Variants in HPSE2 observed in about 807,000 individuals in gnomAD.
HPSE2 encodes inactive heparanase-2.
A neutral mutation model predicts 60.5 loss-of-function variants in HPSE2; 38 were observed. The ratio of observed to expected loss-of-function variants is 0.63; its 90% confidence interval spans 0.48 to 0.82. HPSE2 has a LOEUF of 0.82. Ranked by LOEUF, HPSE2 falls within the 40% of genes least tolerant of loss-of-function variation. The probability of loss-of-function intolerance (pLI) is 0.00; values close to 1 mark genes in which losing one functional copy is unlikely to be tolerated. For missense variants in HPSE2, 713 were observed against 740.4 expected, an observed-to-expected ratio of 0.96 and a Z score of 0.43; for synonymous variants, 295 against 293.2, an observed-to-expected ratio of 1.01 and a Z score of -0.06.
intron 2 of HPSE2, among the ~76,000 whole-genome samples, chr10:99,192,738 A>T (rs115093287): frequency 2.0e-5 from 3 of 152,156 alleles, no homozygotes; most frequent in African/African-American, 7.2e-5. Context: ...GCAGCATTAC[A>T]TATTTAAAGT....
At chr10:99,311,517 A>G in the HPSE2 span, among the ~76,000 whole-genome samples, 130,527 of 152,174 alleles carry the variant, frequency 0.86, 56,368 homozygotes, top group African/African-American at 0.93. Flanking sequence ...GTAGTTGTTT[A>G]GGGGTGCCAT....
rs373405091 is a variant in HPSE2, at chr10:98,525,593, C to T, written c.1321-35397G>A. ...TGGTTAAGGGAAATGGGAGGATCTT[C>T]CTTTGGTGAAAATTGAGTTTGATGG... On this transcript the variant is annotated intron_variant, in intron 9 of 11. Transcript: ENST00000370552. 1.7e-4 allele frequency among the ~76,000 whole-genome samples: 26 copies of T among 152,284 alleles called. 2 individuals are homozygous for T. The South Asian group carries it at 5.2e-3, about 30-fold the overall frequency.
chr10:98,860,556 C>T lies in HPSE2; in HGVS notation c.611-116500G>A, dbSNP rs77005789. ...TCCACACAACAGAATGAGATAATTA[C>T]TATTAATATGCCCATTTACAGATGG... On this transcript the variant is annotated intron_variant, in intron 3 of 11. Coordinates refer to ENST00000370552, the MANE Select transcript of HPSE2 (RefSeq NM_021828.5). Among the ~76,000 whole-genome samples the T allele has an allele frequency of 7.6e-3, 1,151 of 152,256 alleles. 6 individuals carry two copies. Among genetic ancestry groups the T allele is most frequent in the South Asian group, 0.015 (73 of 4,822 alleles).
chr10:98,858,105 T>C (rs1381039581), intron 3 of HPSE2, among the ~76,000 whole-genome samples: 1 of 152,208 alleles, frequency 6.6e-6, no homozygotes, highest in Non-Finnish European at 1.5e-5. Context: ...ATAGAGAAGC[T>C]AACTGAGGCT....
At chr10:98,625,391 G>C (rs915722316) in intron 7 of HPSE2, among the ~76,000 whole-genome samples, 3 of 152,178 alleles carry the variant, frequency 2.0e-5, no homozygotes, top group Non-Finnish European at 4.4e-5. Context: ...AAGGAAAATT[G>C]TGCTTTGCTT....
chr10:99,259,654 C>T, the HPSE2 span, among the ~76,000 whole-genome samples: 1 of 152,128 alleles, frequency 6.6e-6, no homozygotes, highest in Non-Finnish European at 1.5e-5. Context: ...TCAAAGACAA[C>T]AGAAATGGAC....
chr10:99,253,193 A>T, the HPSE2 span, among the ~76,000 whole-genome samples: 4 of 152,212 alleles, frequency 2.6e-5, no homozygotes, highest in Admixed American at 2.0e-4. Context: ...AAGGAAAAAG[A>T]ACAAAGCCAG....
At chr10:99,014,438 T>C (rs951945326) in intron 3 of HPSE2, among the ~76,000 whole-genome samples, 5 of 152,310 alleles carry the variant, frequency 3.3e-5, no homozygotes, top group Admixed American at 2.0e-4. Context: ...GTCTTCATAA[T>C]AGAATGCTTT....
At chr10:98,777,719 G>A (rs1385984472) in intron 3 of HPSE2, among the ~76,000 whole-genome samples, 2 of 152,050 alleles carry the variant, frequency 1.3e-5, no homozygotes, top group Non-Finnish European at 2.9e-5. Flanking sequence ...GCATTTAGAC[G>A]AGCAACCCAG....
At chr10:98,805,626 T>C (rs1025769299) in intron 3 of HPSE2, among the ~76,000 whole-genome samples, 4 of 152,134 alleles carry the variant, frequency 2.6e-5, no homozygotes, top group African/African-American at 7.2e-5. Context: ...AAATAAGACA[T>C]GTTTACAAAC....
chr10:99,069,363 C>T (rs1461408405), intron 3 of HPSE2, among the ~76,000 whole-genome samples: 2 of 151,900 alleles, frequency 1.3e-5, no homozygotes, highest in African/African-American at 2.4e-5. Flanking sequence ...CATAGTAGGA[C>T]GTTTTGGCTT....
chr10:98,997,951 T>C (rs554436994), intron 3 of HPSE2, among the ~76,000 whole-genome samples: 47 of 152,196 alleles, frequency 3.1e-4, no homozygotes, highest in Non-Finnish European at 4.9e-4. Context: ...GTGTCATTAG[T>C]GGTCAGAGCC....
intron 9 of HPSE2, among the ~76,000 whole-genome samples, chr10:98,604,955 TCCC>T (rs949336550): frequency 6.6e-6 from 1 of 152,182 alleles, no homozygotes; most frequent in African/African-American, 2.4e-5. Flanking sequence ...GAGCCTTCTA[TCCC>T]AAGGCCTTCC....
At chr10:98,904,055 A>C (rs1431380774) in intron 3 of HPSE2, among the ~76,000 whole-genome samples, 6 of 152,164 alleles carry the variant, frequency 3.9e-5, no homozygotes, top group Non-Finnish European at 7.4e-5. Flanking sequence ...TTAAATGTAA[A>C]CATGTCTACA....
At chr10:98,991,654 C>A (rs1341986728) in intron 3 of HPSE2, among the ~76,000 whole-genome samples, 2 of 151,728 alleles carry the variant, frequency 1.3e-5, no homozygotes, top group Non-Finnish European at 2.9e-5. Flanking sequence ...TTAAAAGGAT[C>A]CATGTATATA....
At chr10:98,766,751 C>T (rs1950127395) in intron 3 of HPSE2, among the ~76,000 whole-genome samples, 1 of 151,976 alleles carries the variant, frequency 6.6e-6, no homozygotes, top group Admixed American at 6.6e-5. Context: ...ATGGCGAAAC[C>T]CAATCTCTAC....
chr10:98,609,217 C>G (rs1351842145), intron 9 of HPSE2, among the ~76,000 whole-genome samples: 1 of 152,188 alleles, frequency 6.6e-6, no homozygotes, highest in Non-Finnish European at 1.5e-5. Context: ...TTCTAATACA[C>G]TATAGGGCTT....
At chr10:98,717,325 T>C (rs1407682107) in intron 5 of HPSE2, among the ~76,000 whole-genome samples, 1 of 152,158 alleles carries the variant, frequency 6.6e-6, no homozygotes, top group Non-Finnish European at 1.5e-5. Flanking sequence ...ATCATTCTTG[T>C]GTTCACTAAA....
chr10:98,816,173 T>TATA (rs1283597972), intron 3 of HPSE2, among the ~76,000 whole-genome samples: 1 of 152,002 alleles, frequency 6.6e-6, no homozygotes, highest in Admixed American at 6.6e-5. Flanking sequence ...AAACTTAAAG[T>TATA]ATAATAATAA....
Sources: gnomAD v4.1 joint callset for allele counts (sites outside exome capture counted in the v4.1 genomes callset) on GRCh38, gnomAD v4.1.1 for gene constraint, MANE v1.5 for transcripts, NCBI Gene and HGNC (gene_info 2026-07-23, HGNC 2026-07-21) for gene names.